The following IFT122 variants were observed in gnomAD, a reference collection of about 807,000 sequenced individuals.
The protein encoded by IFT122 is intraflagellar transport 122.
Under a neutral mutation model 161.6 loss-of-function variants are expected in IFT122, and 118 were observed. That is an observed-to-expected ratio of 0.73 (90% CI 0.63 to 0.85). The LOEUF is 0.85. Among genes scored for constraint, IFT122 ranks in the 40% least tolerant of loss-of-function variants. IFT122 has a pLI of 0.00. For synonymous variants in IFT122, 550 were observed against 602.4 expected (o/e 0.91, Z 1.27); for missense variants, 1,381 against 1,579.6 (o/e 0.87, Z 2.13).
At chr3:129,442,008 T>C (rs1257925691) in intron 1 of IFT122, among the ~76,000 whole-genome samples, 1 of 152,156 alleles carries the variant, frequency 6.6e-6, no homozygotes, top group East Asian at 1.9e-4. Context: ...TTTGGCCTAG[T>C]GTGCTCAGCT....
chr3:129,451,956 G>A lies in IFT122; in HGVS notation c.151G>A (p.Gly51Arg), dbSNP rs961187754. The change falls in exon 3 of 30, where the codon GGA (glycine) becomes AGA (arginine). Residue 51 changes from glycine (G) to arginine (R), a missense_variant. By Grantham distance (125) the Gly-to-Arg change is moderately radical. Around this residue, in one of 7 missense-constraint regions of IFT122, gnomAD observed 134 missense variants for 137.4 expected, o/e 0.98. Transcript: ENST00000348417. ...TGGCACCTTACTTCAGCCCCTCAAG[G>A]GACACAAAGACACTGTGTACTGTGT... Reference protein sequence around the residue: ...SDGTLLQPLKGHKDTVYCVAY... With the variant: ...SDGTLLQPLKRHKDTVYCVAY... 1 of 1,613,922 alleles carries A rather than the reference G, an allele frequency of 6.2e-7. No individual in the cohort carries two copies. The highest frequency in any genetic ancestry group is 1.7e-5 in the Admixed American group (1 of 59,998).
Position 129,483,476 on chromosome 3 carries a change from G to GT in IFT122, c.1654-7dup. ...TTCTCACAGGATCCCCACTGTCCCT[G>GT]TTCCCCAGGAACCAAACGCCAACAG... On this transcript the variant is annotated splice_polypyrimidine_tract_variant and intron_variant, in intron 14 of 29. Transcript: ENST00000348417. 1.9e-6 allele frequency: 3 copies of GT among 1,613,838 alleles called. No individual in the cohort carries two copies. Among genetic ancestry groups the GT allele is most frequent in the Non-Finnish European group, 2.5e-6 (3 of 1,179,906 alleles).
rs1366294318 is a variant in IFT122 at position 129,466,783 on chromosome 3, G to A, written c.564-107G>A. ...CTCCTGAAGTGCTGGGATTACAGGCGTGAGTCACTGCACCTGGCCCCCAGG... is the reference window on the plus strand; with the variant it reads ...CTCCTGAAGTGCTGGGATTACAGGCATGAGTCACTGCACCTGGCCCCCAGG... On this transcript the variant is annotated intron_variant, in intron 7 of 29. Coordinates refer to ENST00000348417, the MANE Select transcript of IFT122 (RefSeq NM_052989.3). 38 of 1,036,374 alleles carry A rather than the reference G, an allele frequency of 3.7e-5. No homozygotes were observed. The Middle Eastern group carries it at 1.4e-3, about 39-fold the overall frequency. 64.2% of individuals were successfully genotyped at this position (1,036,374 alleles called of 1,614,324 possible).
chr3:129,514,664 C>T (rs2083257990), intron 25 of IFT122, 110 bp downstream of exon 25: 4 of 1,276,858 alleles, frequency 3.1e-6, no homozygotes, highest in Admixed American at 1.7e-5. Context: ...GCAGCTCCCT[C>T]TAGGCTCTGT....
intron 26 of IFT122, among the ~76,000 whole-genome samples, chr3:129,516,927 CGGAG>C (rs2083888952): frequency 1.5e-5 from 2 of 137,244 alleles, no homozygotes; most frequent in African/African-American, 2.8e-5. Context: ...TGCACACACA[CGGAG>C]ACTGCCCCTG....
At chr3:129,450,712 T>TG (rs1559840217) in intron 2 of IFT122, among the ~76,000 whole-genome samples, 1 of 141,978 alleles carries the variant, frequency 7.0e-6, no homozygotes, top group Non-Finnish European at 1.5e-5. Flanking sequence ...TGTGTGTGTG[T>TG]GTTTTTTTTT....
intron 15 of IFT122, among the ~76,000 whole-genome samples, chr3:129,485,523 G>A (rs1484276395): frequency 1.3e-5 from 2 of 152,218 alleles, no homozygotes; most frequent in Admixed American, 6.5e-5. Flanking sequence ...CGAGGGGCAC[G>A]AACAGCTTCT....
Position 129,514,423 on chromosome 3 carries a change from G to T in IFT122, c.3022G>T (p.Ala1008Ser). ...CTTCACCTTGGCCAAGCAGAGCAAG[G>T]CCCTCGGTGCCTACAGGCTGGCCCG... is the stretch of plus-strand genomic sequence containing the variant. ...ILFTLAKQSK[A>S]LGAYRLARHA... The change falls in exon 25 of 30, where the codon GCC (alanine) becomes TCC (serine). Residue 1008 changes from alanine to serine, a missense_variant. Transcript: ENST00000348417. The T allele has an allele frequency of 6.2e-7, 1 of 1,614,162 alleles. No individual in the cohort carries two copies. Among genetic ancestry groups the T allele is most frequent in the African/African-American group, 1.3e-5 (1 of 75,040 alleles).
intron 23 of IFT122, among the ~76,000 whole-genome samples, chr3:129,508,120 G>A (rs1281160439): frequency 6.6e-6 from 1 of 152,242 alleles, no homozygotes; most frequent in African/African-American, 2.4e-5. Context: ...AAAGGCTCGA[G>A]ATCCCTCCCT....
chr3:129,450,398 C>T (rs1303043422), intron 2 of IFT122, among the ~76,000 whole-genome samples: 1 of 152,194 alleles, frequency 6.6e-6, no homozygotes, highest in Non-Finnish European at 1.5e-5. Context: ...TAAGCTCCCT[C>T]TGGAACCTAT....
At chr3:129,473,526 C>T (rs2077585758) in intron 9 of IFT122, among the ~76,000 whole-genome samples, 1 of 152,182 alleles carries the variant, frequency 6.6e-6, no homozygotes. Context: ...GTTTACTTTG[C>T]TGGGCTCAAA....
At chr3:129,465,114 AGTGTGTGTGTGTGTGTGT>A (rs56116340) in intron 7 of IFT122, among the ~76,000 whole-genome samples, 3,966 of 142,404 alleles carry the variant, frequency 0.028, 165 homozygotes, top group South Asian at 0.11. Flanking sequence ...CATGTATATG[AGTGTGTGTGTGTGTGTGT>A]GTGTGTGTGT....
At position 129,490,957 on chromosome 3, in the gene IFT122, G is replaced by A. The variant is rs959804142; in HGVS notation, c.1993-1184G>A. Among the ~76,000 whole-genome samples the A allele has an allele frequency of 2.6e-5, 4 of 152,160 alleles. No homozygotes were observed. In the East Asian group the frequency reaches 5.8e-4, roughly 22 times the overall value. On this transcript the variant is annotated intron_variant, in intron 16 of 29. Transcript: ENST00000348417. ...CTGCTCATGCTCAGACCATTCATCC[G>A]TGTTCTCCAGGCATGTGGTTCGTAG...
rs780817724 is a variant in IFT122 at position 129,512,353 on chromosome 3, C to T, written c.2928C>T (p.Asn976=). 1 of 1,614,016 alleles carries T rather than the reference C, an allele frequency of 6.2e-7. No individual in the cohort carries two copies. Among genetic ancestry groups the T allele is most frequent in the African/African-American group, 1.3e-5 (1 of 74,932 alleles). The change falls in exon 24 of 30, where the codon AAC becomes AAT. Residue 976 remains asparagine (N), a synonymous_variant. Transcript: ENST00000348417. ...FSVHRPETLF[N]ISRFLLHSLP... Reference sequence around the variant, plus strand: ...TCCATCGTCCTGAAACTCTTTTCAACATCTCCAGGTTCCTGCTGCACAGCC... The same window carrying T: ...TCCATCGTCCTGAAACTCTTTTCAATATCTCCAGGTTCCTGCTGCACAGCC...
Position 129,495,579 on chromosome 3 carries a change from C to T in IFT122, c.2180C>T (p.Thr727Ile), listed in dbSNP as rs748922587. ...GAGAACCTCGCGCTTGAAATGTACA[C>T]CGACCTCTGCATGTTTGAGTATGCC... is the stretch of plus-strand genomic sequence containing the variant. ...GHENLALEMY[T>I]DLCMFEYAKD... Residue 727 changes from threonine (T) to isoleucine (I), a missense_variant, in exon 18 of 30, where the codon ACC (threonine) becomes ATC (isoleucine). By Grantham distance (89) the Thr-to-Ile change is moderately conservative. Transcript: ENST00000348417. 5.6e-6 allele frequency: 9 copies of T among 1,614,088 alleles called. No homozygotes were observed. The highest frequency in any genetic ancestry group is 5.0e-5 in the Admixed American group (3 of 60,004).
At chr3:129,464,907 C>A in intron 7 of IFT122, 126 bp downstream of exon 7, 2 of 1,079,676 alleles carry the variant, frequency 1.9e-6, no homozygotes, top group Admixed American at 1.9e-5. Flanking sequence ...TAGAACCTGT[C>A]CCATTTGTAT....
rs537324988 is a variant in IFT122, at chr3:129,479,745, T to C, written c.1351-40T>C. The C allele has an allele frequency of 3.4e-5, 55 of 1,613,340 alleles. No individual in the cohort carries two copies. In the South Asian group the frequency reaches 5.5e-4, roughly 16 times the overall value. ...CCTTGGGGAGGTCTGGGGGCACTTATTCTGTTGAATTTCCATGCAGAGCTG... is the reference window on the plus strand; with the variant it reads ...CCTTGGGGAGGTCTGGGGGCACTTACTCTGTTGAATTTCCATGCAGAGCTG... On this transcript the variant is annotated intron_variant, in intron 12 of 29. Coordinates refer to ENST00000348417, the MANE Select transcript of IFT122 (RefSeq NM_052989.3).
intron 28 of IFT122, 106 bp downstream of exon 28, chr3:129,519,292 A>C: frequency 8.7e-7 from 1 of 1,143,152 alleles, no homozygotes; most frequent in African/African-American, 1.5e-5. Flanking sequence ...ATTGGCCAGA[A>C]CTTCCAGATG....
At position 129,504,383 on chromosome 3, in the gene IFT122, G is replaced by T. The variant is rs764716919; in HGVS notation, c.2612G>T (p.Trp871Leu). 1.2e-6 allele frequency: 2 copies of T among 1,614,118 alleles called. No individual in the cohort carries two copies. Among genetic ancestry groups the T allele is most frequent in the Non-Finnish European group, 1.7e-6 (2 of 1,179,984 alleles). ...KDDIYMPYAQ[W>L]LAENDRFEEA... ...GACATCTACATGCCGTATGCTCAGT[G>T]GCTAGCAGAGAACGATCGCTTTGAG... The change falls in exon 21 of 30, where the codon TGG becomes TTG. Residue 871 changes from tryptophan (W) to leucine (L), a missense_variant. Around this residue, in one of 7 missense-constraint regions of IFT122, gnomAD observed 496 missense variants for 502.5 expected, o/e 0.99. Coordinates refer to ENST00000348417, the MANE Select transcript of IFT122 (RefSeq NM_052989.3).
Sources: allele counts gnomAD v4.1 joint callset (sites outside exome capture counted in the v4.1 genomes callset), GRCh38; gene constraint gnomAD v4.1.1; regional missense constraint gnomAD v4.1.1; transcripts MANE v1.5; gene names NCBI Gene and HGNC (gene_info 2026-07-23, HGNC 2026-07-21).